Variants in CADM2 observed in about 807,000 individuals in gnomAD.
CADM2 encodes immunoglobulin superfamily member 4D.
CADM2 carries 12 observed loss-of-function variants against 49.8 expected under a neutral mutation model. The ratio of observed to expected loss-of-function variants is 0.24; its 90% CI spans 0.15 to 0.39. The LOEUF (loss-of-function observed/expected upper bound fraction) is 0.39. Among genes scored for constraint, CADM2 ranks in the 10% least tolerant of loss-of-function variants. The pLI, the probability that CADM2 is intolerant of heterozygous loss-of-function variation, is 1.00. For missense variants in CADM2, 378 were observed against 492.3 expected, an observed-to-expected ratio of 0.77 and a Z score of 2.20; for synonymous variants, 214 against 175.4, an observed-to-expected ratio of 1.22 and a Z score of -1.74.
chr3:85,782,299 T>A (rs1412558003), intron 2 of CADM2, among the ~76,000 whole-genome samples: 1 of 152,192 alleles, frequency 6.6e-6, no homozygotes, highest in Non-Finnish European at 1.5e-5. Flanking sequence ...TTTCTGTAAC[T>A]TTTTAACTCT....
intron 1 of CADM2, among the ~76,000 whole-genome samples, chr3:85,408,660 A>G (rs1228288080): frequency 2.0e-5 from 3 of 152,202 alleles, no homozygotes; most frequent in Admixed American, 2.0e-4. Flanking sequence ...GCAGTGCACT[A>G]AAGTCGGAGA....
intron 1 of CADM2, among the ~76,000 whole-genome samples, chr3:85,034,257 G>A (rs559659286): frequency 6.6e-6 from 1 of 152,026 alleles, no homozygotes; most frequent in South Asian, 2.1e-4. Context: ...CATATTAATT[G>A]TACCCATTCC....
chr3:85,251,513 C>G (rs2042774459), intron 1 of CADM2, among the ~76,000 whole-genome samples: 1 of 151,868 alleles, frequency 6.6e-6, no homozygotes, highest in Admixed American at 6.6e-5. Context: ...TAAGATTACT[C>G]AAACTCCTAA....
chr3:85,499,978 T>C (rs1440072453), intron 1 of CADM2, among the ~76,000 whole-genome samples: 1 of 152,212 alleles, frequency 6.6e-6, no homozygotes, highest in Admixed American at 6.5e-5. Context: ...TGCTTAGTTC[T>C]ACAATTACTG....
chr3:85,822,375 G>A (rs1482141922), intron 3 of CADM2, among the ~76,000 whole-genome samples: 3 of 152,092 alleles, frequency 2.0e-5, no homozygotes, highest in Non-Finnish European at 4.4e-5. Flanking sequence ...CTTGAGGTCA[G>A]GAGTTCAAGA....
chr3:85,277,530 C>T (rs559983630), intron 1 of CADM2, among the ~76,000 whole-genome samples: 122 of 151,500 alleles, frequency 8.1e-4, no homozygotes, highest in Middle Eastern at 3.4e-3. Flanking sequence ...CTGGAAAATT[C>T]ACCTCAGATT....
chr3:85,553,559 T>A (rs930501558), intron 1 of CADM2, among the ~76,000 whole-genome samples: 3 of 152,164 alleles, frequency 2.0e-5, no homozygotes, highest in African/African-American at 4.8e-5. Flanking sequence ...AAAATACATT[T>A]AAAAAAACTT....
At chr3:85,224,629 G>T (rs539452905) in intron 1 of CADM2, among the ~76,000 whole-genome samples, 553 of 152,166 alleles carry the variant, frequency 3.6e-3, no homozygotes, top group Middle Eastern at 6.8e-3. Context: ...GTCAATTTTG[G>T]CTTTTGTTGC....
At chr3:85,567,797 G>A (rs908041847) in intron 1 of CADM2, among the ~76,000 whole-genome samples, 4 of 152,158 alleles carry the variant, frequency 2.6e-5, no homozygotes, top group African/African-American at 9.7e-5. Flanking sequence ...CCAAATTCAA[G>A]TTCTTCAGAA....
intron 1 of CADM2, among the ~76,000 whole-genome samples, chr3:85,257,221 T>C (rs528692059): frequency 6.6e-6 from 1 of 152,150 alleles, no homozygotes; most frequent in East Asian, 1.9e-4. Flanking sequence ...TTTTTATTTC[T>C]GACCCCAAGT....
At chr3:85,382,035 G>C (rs1388898079) in intron 1 of CADM2, among the ~76,000 whole-genome samples, 1 of 151,524 alleles carries the variant, frequency 6.6e-6, no homozygotes, top group African/African-American at 2.4e-5. Flanking sequence ...GGTGTGATCA[G>C]TTATGAAAAA....
chr3:85,623,656 G>T (rs897771118), intron 1 of CADM2, among the ~76,000 whole-genome samples: 4 of 152,106 alleles, frequency 2.6e-5, no homozygotes, highest in Non-Finnish European at 4.4e-5. Context: ...TTGTTTTATA[G>T]AAACTTCTGT....
chr3:85,247,805 A>G (rs1184654237), intron 1 of CADM2, among the ~76,000 whole-genome samples: 1 of 152,148 alleles, frequency 6.6e-6, no homozygotes, highest in Admixed American at 6.6e-5. Flanking sequence ...ATGTATTCCT[A>G]ATTAATTTAA....
intron 1 of CADM2, among the ~76,000 whole-genome samples, chr3:85,047,417 TTTTAA>T (rs1278352536): frequency 6.6e-6 from 1 of 152,168 alleles, no homozygotes; most frequent in Non-Finnish European, 1.5e-5. Flanking sequence ...CCCAAGGCTA[TTTTAA>T]TTTGTCAATT....
chr3:85,737,636 C>T (rs1431677979), intron 2 of CADM2, among the ~76,000 whole-genome samples: 1 of 150,876 alleles, frequency 6.6e-6, no homozygotes, highest in African/African-American at 2.4e-5. Context: ...CGGCTCACTG[C>T]AACCTCCCTC....
chr3:85,619,948 G>A (rs9816252), intron 1 of CADM2, among the ~76,000 whole-genome samples: 7,279 of 152,142 alleles, frequency 0.048, 597 homozygotes, highest in African/African-American at 0.17. Context: ...CTTGTCAACC[G>A]ATAAAAATCA....
intron 7 of CADM2, among the ~76,000 whole-genome samples, chr3:85,937,413 G>GA (rs1391117673): frequency 2.6e-5 from 4 of 151,954 alleles, no homozygotes; most frequent in African/African-American, 9.6e-5. Context: ...AAGGAAATAA[G>GA]AAAGGCTCCC....
chr3:85,197,865 T>G (rs2041383206), intron 1 of CADM2, among the ~76,000 whole-genome samples: 1 of 151,918 alleles, frequency 6.6e-6, no homozygotes, highest in Non-Finnish European at 1.5e-5. Flanking sequence ...GTTTGTAGTG[T>G]CTGAAGGGCC....
At chr3:85,002,667 CATT>C (rs1405239057) in intron 1 of CADM2, among the ~76,000 whole-genome samples, 3 of 152,124 alleles carry the variant, frequency 2.0e-5, no homozygotes, top group African/African-American at 7.2e-5. Flanking sequence ...TTGAAAGTGT[CATT>C]ATCATTTGTT....
Sources: gnomAD v4.1 joint callset for allele counts (sites outside exome capture counted in the v4.1 genomes callset) on GRCh38, gnomAD v4.1.1 for gene constraint, MANE v1.5 for transcripts, NCBI Gene and HGNC (gene_info 2026-07-23, HGNC 2026-07-21) for gene names.